Variants in TNFSF13B observed in about 807,000 individuals in gnomAD.
The protein encoded by TNFSF13B is tumor necrosis factor ligand superfamily member 13B.
TNFSF13B carries 8 observed loss-of-function variants against 29.1 expected under a neutral mutation model. That is an observed-to-expected ratio of 0.27 (90% CI 0.16 to 0.50). The LOEUF is 0.50. TNFSF13B is among the 20% of genes least tolerant of loss of function. The pLI, the probability that TNFSF13B is intolerant of heterozygous loss-of-function variation, is 0.98. For missense variants in TNFSF13B, 248 were observed against 334.9 expected (o/e 0.74, Z 2.03); for synonymous variants, 125 against 130.8 (o/e 0.96, Z 0.30).
At chr13:108,271,294 A>G (rs1217609698) in intron 2 of TNFSF13B, among the ~76,000 whole-genome samples, 2 of 152,284 alleles carry the variant, frequency 1.3e-5, no homozygotes, top group Non-Finnish European at 2.9e-5. Flanking sequence ...GCTATAGACC[A>G]GAATAGGCAT....
At chr13:108,281,990 T>C (rs1880971005) in intron 2 of TNFSF13B, among the ~76,000 whole-genome samples, 1 of 152,204 alleles carries the variant, frequency 6.6e-6, no homozygotes, top group Non-Finnish European at 1.5e-5. Flanking sequence ...ATTAAACAGC[T>C]ACATTTGTCA....
intron 3 of TNFSF13B, among the ~76,000 whole-genome samples, chr13:108,302,243 T>G (rs1881646706): frequency 1.3e-5 from 2 of 152,340 alleles, no homozygotes; most frequent in Admixed American, 1.3e-4. Flanking sequence ...TGGTTCACCA[T>G]TACCAATTAT....
chr13:108,298,424 G>A lies in TNFSF13B; in HGVS notation c.482-4829G>A, dbSNP rs1236281090. Among the ~76,000 whole-genome samples, 3 of 145,330 alleles carry A rather than the reference G, an allele frequency of 2.1e-5. 1 individual carries two copies. Among genetic ancestry groups the A allele is most frequent in the Non-Finnish European group, 4.6e-5 (3 of 65,568 alleles). ...ATAAATAATATTTGGAGAAATAATG[G>A]CCAAACTCTTTCCAATGTTGAAGAA... On this transcript the variant is annotated intron_variant, in intron 3 of 5. Coordinates refer to ENST00000375887, the MANE Select transcript of TNFSF13B (RefSeq NM_006573.5).
intron 2 of TNFSF13B, among the ~76,000 whole-genome samples, chr13:108,284,972 A>G (rs1251281772): frequency 6.6e-6 from 1 of 152,068 alleles, no homozygotes; most frequent in Admixed American, 6.5e-5. Flanking sequence ...TCCTGTTAGG[A>G]TGCTTTTCCA....
chr13:108,279,117 G>A (rs1880858775), intron 2 of TNFSF13B, among the ~76,000 whole-genome samples: 1 of 152,130 alleles, frequency 6.6e-6, no homozygotes, highest in Non-Finnish European at 1.5e-5. Context: ...TCATAAAGCT[G>A]GATTTAGTGA....
At chr13:108,284,375 C>T (rs61972011) in intron 2 of TNFSF13B, among the ~76,000 whole-genome samples, 4 of 107,772 alleles carry the variant, frequency 3.7e-5, no homozygotes, top group South Asian at 6.5e-4. Context: ...AACAAACAAA[C>T]AAACAAACAA....
chr13:108,292,564 C>T (rs1049683241), intron 3 of TNFSF13B, among the ~76,000 whole-genome samples: 27 of 152,070 alleles, frequency 1.8e-4, no homozygotes, highest in African/African-American at 6.5e-4. Flanking sequence ...TACTAGTGTT[C>T]TAATTTTTCC....
intron 2 of TNFSF13B, among the ~76,000 whole-genome samples, chr13:108,283,564 T>C (rs1398738387): frequency 6.6e-6 from 1 of 152,212 alleles, no homozygotes; most frequent in Non-Finnish European, 1.5e-5. Flanking sequence ...AGGAGACATA[T>C]TCATGGTGTC....
chr13:108,286,636 T>A (rs961880087), intron 2 of TNFSF13B, among the ~76,000 whole-genome samples, 167 bp from the exon 3 acceptor site: 1 of 148,928 alleles, frequency 6.7e-6, no homozygotes, highest in Non-Finnish European at 1.5e-5. Context: ...ATCATATATA[T>A]AAATCAATGG....
At chr13:108,294,080 C>A (rs909875633) in intron 3 of TNFSF13B, among the ~76,000 whole-genome samples, 1 of 152,022 alleles carries the variant, frequency 6.6e-6, no homozygotes, top group African/African-American at 2.4e-5. Flanking sequence ...TTATTCATTC[C>A]TGGTATATTG....
chr13:108,270,858 G>A (rs1407392334), intron 2 of TNFSF13B, among the ~76,000 whole-genome samples: 1 of 152,138 alleles, frequency 6.6e-6, no homozygotes, highest in Non-Finnish European at 1.5e-5. Context: ...TTTTCTGAAT[G>A]TACATTACAT....
At chr13:108,277,332 A>G (rs1369737912) in intron 2 of TNFSF13B, among the ~76,000 whole-genome samples, 1 of 152,238 alleles carries the variant, frequency 6.6e-6, no homozygotes, top group Non-Finnish European at 1.5e-5. Flanking sequence ...TTTACAATTC[A>G]TAAAACACAT....
intron 2 of TNFSF13B, among the ~76,000 whole-genome samples, 177 bp from the exon 3 acceptor site, chr13:108,286,613 TTCATATATATATA>T (rs1449447577): frequency 1.4e-5 from 2 of 144,242 alleles, no homozygotes; most frequent in African/African-American, 4.9e-5. Context: ...TGTCATGAAT[TTCATATATATATA>T]TCATATATAT....
At position 108,275,401 on chromosome 13, in the gene TNFSF13B, T is replaced by C. The variant is rs113613239; in HGVS notation, c.424+4977T>C. ...GTTCATTGTTAAAATTAGGTAACCA[T>C]TGTATTTTCTTTCCTGTTAATTAAT... On this transcript the variant is annotated intron_variant, in intron 2 of 5. Transcript: ENST00000375887. Among the ~76,000 whole-genome samples the C allele has an allele frequency of 5.8e-3, 878 of 152,228 alleles. 7 individuals are homozygous for C. The highest frequency in any genetic ancestry group is 0.02 in the African/African-American group (829 of 41,568).
intron 3 of TNFSF13B, among the ~76,000 whole-genome samples, chr13:108,291,636 T>C (rs1331303818): frequency 6.6e-6 from 1 of 152,056 alleles, no homozygotes; most frequent in East Asian, 1.9e-4. Flanking sequence ...CTAGCATGAC[T>C]TTGCCCAAAA....
chr13:108,275,159 C>G (rs763989026), intron 2 of TNFSF13B, among the ~76,000 whole-genome samples: 17 of 152,044 alleles, frequency 1.1e-4, no homozygotes, highest in Non-Finnish European at 2.1e-4. Context: ...AAGCCCGTAA[C>G]TGTGTTTGGA....
In TNFSF13B at chr13:108,300,205, T is replaced by C. The variant is rs140510954; in HGVS notation, c.482-3048T>C. ...TATTAAAATGCTTTTAAAAAAACAA[T>C]TGAATACCTGTGATTAATTTTTACA... On this transcript the variant is annotated intron_variant, in intron 3 of 5. Transcript: ENST00000375887. Among the ~76,000 whole-genome samples the C allele has an allele frequency of 1.3e-3, 201 of 152,272 alleles. 1 individual carries two copies. Among genetic ancestry groups the C allele is most frequent in the African/African-American group, 4.4e-3 (183 of 41,564 alleles).
In TNFSF13B at chr13:108,294,866, A is replaced by G. The variant is rs1189647328; in HGVS notation, c.481+8007A>G. ...TTATGAATTTTGAGGGAAGACTTGG[A>G]TTAATTAAAACTCTACACTGGTTAT... On this transcript the variant is annotated intron_variant, in intron 3 of 5. Coordinates refer to ENST00000375887, the MANE Select transcript of TNFSF13B (RefSeq NM_006573.5). Among the ~76,000 whole-genome samples, 2 of 145,420 alleles carry G rather than the reference A, an allele frequency of 1.4e-5. 1 individual carries two copies. Among genetic ancestry groups the G allele is most frequent in the Non-Finnish European group, 3.0e-5 (2 of 65,604 alleles).
intron 2 of TNFSF13B, among the ~76,000 whole-genome samples, chr13:108,281,194 T>C (rs1425369608): frequency 6.6e-6 from 1 of 152,164 alleles, no homozygotes; most frequent in Non-Finnish European, 1.5e-5. Context: ...TGAGCCAAGA[T>C]TGTGCCATTG....
Sources: gnomAD v4.1 joint callset for allele counts (sites outside exome capture counted in the v4.1 genomes callset) on GRCh38, gnomAD v4.1.1 for gene constraint, MANE v1.5 for transcripts, NCBI Gene and HGNC (gene_info 2026-07-23, HGNC 2026-07-21) for gene names.